The following NKX2-2 variants were observed in gnomAD, a reference collection of about 807,000 sequenced individuals.
The protein encoded by NKX2-2 is homeobox protein Nkx-2.2.
In NKX2-2, 8 loss-of-function variants were observed where a neutral mutation model predicts 24.6. That is an observed-to-expected ratio of 0.32 (90% CI 0.19 to 0.59). The LOEUF (loss-of-function observed/expected upper bound fraction) is 0.59, where lower values mean the gene tolerates loss of function less well. Ranked by LOEUF, NKX2-2 falls within the 20% of genes least tolerant of loss-of-function variation. The pLI, the probability that NKX2-2 is intolerant of heterozygous loss-of-function variation, is 0.86. For missense variants in NKX2-2, 381 were observed against 373.9 expected (o/e 1.02, Z -0.16); for synonymous variants, 217 against 173.3 (o/e 1.25, Z -1.98).
At chr20:21,518,023 G>T (rs930134814), upstream of NKX2-2, among the ~76,000 whole-genome samples, 5 of 152,170 alleles carry the variant, frequency 3.3e-5, no homozygotes, top group Admixed American at 2.0e-4. Context: ...GTACCGTCTT[G>T]CACCCAAGCG....
upstream of NKX2-2, among the ~76,000 whole-genome samples, chr20:21,514,836 C>G (rs1184943912): frequency 1.3e-5 from 2 of 152,178 alleles, no homozygotes; most frequent in Admixed American, 6.5e-5. Flanking sequence ...TCCAGTTAAC[C>G]GCGAGAGAGC....
Position 21,513,679 on chromosome 20 carries a change from C to A in NKX2-2, c.-10G>T. ...TGTTGGTCAGCGACATGGTTCGAGA[C>A]CCCAAAATTTATGTCGCAAAGTTGT... On this transcript the variant is annotated 5_prime_UTR_variant, in exon 1 of 2. Transcript: ENST00000377142. The surrounding 1 kb of genome is among the most constrained non-coding windows in gnomAD (Gnocchi z 4.6). 1.3e-6 allele frequency: 2 copies of A among 1,517,518 alleles called. No individual in the cohort carries two copies. Among genetic ancestry groups the A allele is most frequent in the South Asian group, 1.3e-5 (1 of 76,320 alleles). 94.0% of individuals were successfully genotyped at this position (1,517,518 alleles called of 1,614,324 possible).
At position 21,511,686 on chromosome 20, in the gene NKX2-2, C is replaced by G. The variant is rs1280264635; in HGVS notation, c.*237G>C. On this transcript the variant is annotated 3_prime_UTR_variant, in exon 2 of 2. Coordinates refer to ENST00000377142, the MANE Select transcript of NKX2-2 (RefSeq NM_002509.4). Reference sequence around the variant, plus strand: ...TCTGTAAACACGGCGTAGAGTTCAGCCCTCTCCCAAGGTTCAGAAGGAGAG... The same window carrying G: ...TCTGTAAACACGGCGTAGAGTTCAGGCCTCTCCCAAGGTTCAGAAGGAGAG... The G allele has an allele frequency of 2.5e-6, 1 of 405,946 alleles. No homozygotes were observed. Among genetic ancestry groups the G allele is most frequent in the Non-Finnish European group, 4.3e-6 (1 of 230,864 alleles). 25.1% of individuals were successfully genotyped at this position (405,946 alleles called of 1,614,324 possible).
chr20:21,511,723 G>A lies in NKX2-2; in HGVS notation c.*200C>T. 2.1e-6 allele frequency: 1 copy of A among 477,140 alleles called. No individual in the cohort carries two copies. Among genetic ancestry groups the A allele is most frequent in the Non-Finnish European group, 3.7e-6 (1 of 273,808 alleles). 29.6% of individuals were successfully genotyped at this position (477,140 alleles called of 1,614,324 possible). On this transcript the variant is annotated 3_prime_UTR_variant, in exon 2 of 2. Coordinates refer to ENST00000377142, the MANE Select transcript of NKX2-2 (RefSeq NM_002509.4). ...GTTCAGAAGGAGAGGCATGGGCAGA[G>A]CTGGGTGGGTGGAATCTGCCACTCC...
chr20:21,515,044 C>A (rs1446923204), upstream of NKX2-2, among the ~76,000 whole-genome samples: 1 of 149,928 alleles, frequency 6.7e-6, no homozygotes, highest in Non-Finnish European at 1.5e-5. Flanking sequence ...GCTTTGCGGG[C>A]GGTCCCGGGG....
the NKX2-2 span, among the ~76,000 whole-genome samples, chr20:21,521,728 C>G: frequency 6.6e-6 from 1 of 152,218 alleles, no homozygotes; most frequent in African/African-American, 2.4e-5. Context: ...GCCGCCCCTT[C>G]CTCACCGCGG....
At chr20:21,521,020 T>G in the NKX2-2 span, among the ~76,000 whole-genome samples, 1 of 151,776 alleles carries the variant, frequency 6.6e-6, no homozygotes, top group South Asian at 2.1e-4. Flanking sequence ...CACTTAAAGC[T>G]GGGTCGGGCA....
At chr20:21,518,531 G>A (rs1490634892), upstream of NKX2-2, among the ~76,000 whole-genome samples, 1 of 152,134 alleles carries the variant, frequency 6.6e-6, no homozygotes, top group Non-Finnish European at 1.5e-5. Context: ...AACAATCGCC[G>A]GAGGCCCAGG....
chr20:21,512,434 G>A lies in NKX2-2; in HGVS notation c.311C>T (p.Pro104Leu). The change falls in exon 2 of 2, where the codon CCG (proline) becomes CTG (leucine). Residue 104 changes from proline to leucine, a missense_variant. Physicochemically the swap from Pro to Leu is moderately conservative, Grantham distance 98. Transcript: ENST00000377142. ...APPQDSSSKS[P>L]EPSADESPDN... ...CGGTGACTCGTCGGCCGAGGGCTCC[G>A]GGGACTTGGAGCTTGAGTCCTGAGG... 15 of 1,590,416 alleles carry A rather than the reference G, an allele frequency of 9.4e-6. No homozygotes were observed. Among genetic ancestry groups the A allele is most frequent in the Non-Finnish European group, 1.3e-5 (15 of 1,174,908 alleles).
At position 21,513,657 on chromosome 20, in the gene NKX2-2, T is replaced by G; in HGVS notation, c.13A>C (p.Asn5His). The change falls in exon 1 of 2, where the codon AAC (asparagine) becomes CAC (histidine). Residue 5 changes from asparagine to histidine, a missense_variant. Asn to His is a moderately conservative substitution (Grantham distance 68). Coordinates refer to ENST00000377142, the MANE Select transcript of NKX2-2 (RefSeq NM_002509.4). This position sits in a 1 kb window ranked among gnomAD's most constrained non-coding sequence, Gnocchi z 4.6. ...TTGACCGAAAACCCCGTCTTTGTGTTGGTCAGCGACATGGTTCGAGACCCC... is the reference window on the plus strand; with the variant it reads ...TTGACCGAAAACCCCGTCTTTGTGTGGGTCAGCGACATGGTTCGAGACCCC... MSLT[N>H]TKTGFSVKDI... The G allele has an allele frequency of 1.3e-6, 2 of 1,574,484 alleles. No homozygotes were observed. The highest frequency in any genetic ancestry group is 1.7e-6 in the Non-Finnish European group (2 of 1,163,816).
In NKX2-2 at chr20:21,513,680, C is replaced by A; in HGVS notation, c.-11G>T. On this transcript the variant is annotated 5_prime_UTR_variant, in exon 1 of 2. Transcript: ENST00000377142. The surrounding 1 kb of genome is among the most constrained non-coding windows in gnomAD (Gnocchi z 4.6). ...GTTGGTCAGCGACATGGTTCGAGAC[C>A]CCAAAATTTATGTCGCAAAGTTGTA... is the stretch of plus-strand genomic sequence containing the variant. The A allele has an allele frequency of 6.6e-7, 1 of 1,513,472 alleles. No homozygotes were observed. Among genetic ancestry groups the A allele is most frequent in the Non-Finnish European group, 8.8e-7 (1 of 1,133,272 alleles). The allele number at this position is 1,513,472 out of a possible 1,614,324, so 93.8% of individuals were successfully genotyped here. A position where few individuals can be genotyped will look rare whatever the true frequency, so the allele number is the denominator to read the frequency against.
upstream of NKX2-2, among the ~76,000 whole-genome samples, chr20:21,516,941 T>C (rs1980656143): frequency 6.6e-6 from 1 of 152,180 alleles, no homozygotes; most frequent in Non-Finnish European, 1.5e-5. Context: ...AGTGACCCTT[T>C]CTTCTCAGGA....
At chr20:21,522,662 G>T in the NKX2-2 span, among the ~76,000 whole-genome samples, 2 of 151,594 alleles carry the variant, frequency 1.3e-5, no homozygotes, top group Non-Finnish European at 2.9e-5. Context: ...AGTCGCGGGC[G>T]GTCGGGCGGC....
chr20:21,512,168 C>T lies in NKX2-2; in HGVS notation c.577G>A (p.Glu193Lys). Reference sequence around the variant, plus strand: ...CGCGGCGAGGGCAGGGGCGTCACCTCCATACCTTTCTCGGCCCGGGCGCGC... The same window carrying T: ...CGCGGCGAGGGCAGGGGCGTCACCTTCATACCTTTCTCGGCCCGGGCGCGC... ...MKRARAEKGM[E>K]VTPLPSPRRV... The change falls in exon 2 of 2, where the codon GAG (glutamate) becomes AAG (lysine). Residue 193 changes from glutamate (E) to lysine (K), a missense_variant. Physicochemically the swap from Glu to Lys is moderately conservative, Grantham distance 56. Transcript: ENST00000377142. 1.9e-6 allele frequency: 3 copies of T among 1,613,952 alleles called. No individual in the cohort carries two copies. The highest frequency in any genetic ancestry group is 2.5e-6 in the Non-Finnish European group (3 of 1,179,944).
chr20:21,512,001 G>A lies in NKX2-2; in HGVS notation c.744C>T (p.Asn248=), dbSNP rs760495343. Residue 248 remains asparagine, a synonymous_variant, in exon 2 of 2, where the codon AAC becomes AAT. Transcript: ENST00000377142. ...SAQSLQHMQY[N]AQYSSASTPQ... ...GGGTGCTGGCCGAGCTGTACTGGGC[G>A]TTGTACTGCATGTGCTGCAGCGACT... 3.7e-6 allele frequency: 6 copies of A among 1,613,322 alleles called. No individual in the cohort carries two copies. The highest frequency in any genetic ancestry group is 4.2e-6 in the Non-Finnish European group (5 of 1,179,922).
chr20:21,517,329 G>C (rs1171075815), upstream of NKX2-2, among the ~76,000 whole-genome samples: 3 of 152,170 alleles, frequency 2.0e-5, no homozygotes, highest in African/African-American at 4.8e-5. Flanking sequence ...CCCCTGGCCT[G>C]GGGGCAGCTG....
At chr20:21,517,982 C>A (rs949791987), upstream of NKX2-2, among the ~76,000 whole-genome samples, 2 of 152,238 alleles carry the variant, frequency 1.3e-5, no homozygotes, top group African/African-American at 4.8e-5. Flanking sequence ...TGGTCTCCCC[C>A]ACTCGGCATT....
chr20:21,514,395 C>A (rs112998704), upstream of NKX2-2, among the ~76,000 whole-genome samples: 4 of 148,338 alleles, frequency 2.7e-5, no homozygotes, highest in Admixed American at 6.8e-5. Context: ...AAAGACGGGG[C>A]GAGCCTTTTT....
In NKX2-2 at chr20:21,513,695, G is replaced by T; in HGVS notation, c.-26C>A. 7.9e-7 allele frequency: 1 copy of T among 1,268,228 alleles called. No homozygotes were observed. Among genetic ancestry groups the T allele is most frequent in the Non-Finnish European group, 1.0e-6 (1 of 982,332 alleles). The allele number at this position is 1,268,228 out of a possible 1,614,324, so 78.6% of individuals were successfully genotyped here. A position where few individuals can be genotyped will look rare whatever the true frequency, so the allele number is the denominator to read the frequency against. On this transcript the variant is annotated 5_prime_UTR_variant, in exon 1 of 2. Transcript: ENST00000377142. This position sits in a 1 kb window ranked among gnomAD's most constrained non-coding sequence, Gnocchi z 4.6. ...GGTTCGAGACCCCAAAATTTATGTCGCAAAGTTGTAGCTTCACTTGGTCAA... is the reference window on the plus strand; with the variant it reads ...GGTTCGAGACCCCAAAATTTATGTCTCAAAGTTGTAGCTTCACTTGGTCAA...
Sources: allele counts gnomAD v4.1 joint callset (sites outside exome capture counted in the v4.1 genomes callset), GRCh38; gene constraint gnomAD v4.1.1; non-coding constraint Gnocchi (gnomAD v3.1); transcripts MANE v1.5; gene names NCBI Gene and HGNC (gene_info 2026-07-23, HGNC 2026-07-21).